TENM2: variants seen among roughly 807,000 people sequenced by gnomAD.
TENM2 encodes teneurin-2.
TENM2 carries 52 observed loss-of-function variants against 245.2 expected under a neutral mutation model. That is an observed-to-expected ratio of 0.21 (90% CI 0.17 to 0.27). The LOEUF is 0.27. TENM2 is among the 10% of genes least tolerant of loss of function. The probability of loss-of-function intolerance (pLI) is 1.00; values close to 1 mark genes in which losing one functional copy is unlikely to be tolerated. For missense variants in TENM2, 3,046 were observed against 3,666.8 expected, an observed-to-expected ratio of 0.83 and a Z score of 4.37; for synonymous variants, 1,363 against 1,438.9, an observed-to-expected ratio of 0.95 and a Z score of 1.19.
chr5:166,981,269 A>G, the TENM2 span, among the ~76,000 whole-genome samples: 1 of 151,666 alleles, frequency 6.6e-6, no homozygotes, highest in Admixed American at 6.7e-5. Flanking sequence ...CAGCTTATTC[A>G]TGGGTCCCTT....
chr5:167,623,512 G>A (rs1778307537), intron 2 of TENM2, among the ~76,000 whole-genome samples: 1 of 152,072 alleles, frequency 6.6e-6, no homozygotes, highest in Non-Finnish European at 1.5e-5. Flanking sequence ...CTACATCGCA[G>A]CCAACAGGAT....
At chr5:167,102,797 T>G in the TENM2 span, among the ~76,000 whole-genome samples, 1 of 152,212 alleles carries the variant, frequency 6.6e-6, no homozygotes, top group East Asian at 1.9e-4. Flanking sequence ...TAGCTGGGAT[T>G]ACAGGTGTGT....
At chr5:167,400,873 A>T (rs1250383126) in intron 2 of TENM2, among the ~76,000 whole-genome samples, 2 of 152,126 alleles carry the variant, frequency 1.3e-5, no homozygotes, top group Admixed American at 6.6e-5. Flanking sequence ...TTTGGATTTG[A>T]CACTGGTAAC....
At chr5:167,954,402 T>A (rs1452770943) in intron 4 of TENM2, among the ~76,000 whole-genome samples, 1 of 152,234 alleles carries the variant, frequency 6.6e-6, no homozygotes, top group Non-Finnish European at 1.5e-5. Flanking sequence ...TTGGCATGCA[T>A]GTTTGGTTCA....
chr5:167,984,659 G>GA (rs915949295), intron 4 of TENM2, among the ~76,000 whole-genome samples: 18 of 150,964 alleles, frequency 1.2e-4, no homozygotes, highest in Non-Finnish European at 1.9e-4. Context: ...TGTCTTGGGG[G>GA]AAAAAAAAAT....
At chr5:167,533,122 G>A (rs1040230609) in intron 2 of TENM2, among the ~76,000 whole-genome samples, 1 of 152,072 alleles carries the variant, frequency 6.6e-6, no homozygotes, top group African/African-American at 2.4e-5. Context: ...AGATAGGAAG[G>A]TAAAAGATTC....
chr5:168,013,007 A>G (rs1162393409), intron 5 of TENM2, among the ~76,000 whole-genome samples: 2 of 152,092 alleles, frequency 1.3e-5, no homozygotes, highest in Non-Finnish European at 2.9e-5. Flanking sequence ...AGCTCCACAT[A>G]TCACATCCAC....
At chr5:167,663,184 G>GAGAGAA (rs1755351133) in intron 2 of TENM2, among the ~76,000 whole-genome samples, 9 of 129,956 alleles carry the variant, frequency 6.9e-5, no homozygotes, top group Non-Finnish European at 1.1e-4. Context: ...GAGAGAGAGA[G>GAGAGAA]AGAAAGAGAG....
At chr5:167,181,463 CGTTTGTG>C in the TENM2 span, among the ~76,000 whole-genome samples, 4 of 69,918 alleles carry the variant, frequency 5.7e-5, no homozygotes, top group African/African-American at 2.8e-4. Flanking sequence ...GGGAGCCGCT[CGTTTGTG>C]TGTGTGTGTG....
At chr5:167,923,618 T>C (rs1215698534) in intron 3 of TENM2, among the ~76,000 whole-genome samples, 1 of 152,192 alleles carries the variant, frequency 6.6e-6, no homozygotes, top group Non-Finnish European at 1.5e-5. Flanking sequence ...GTCTGCATGG[T>C]AAATGAATGC....
the TENM2 span, among the ~76,000 whole-genome samples, chr5:167,046,869 C>T: frequency 2.6e-5 from 4 of 151,958 alleles, no homozygotes; most frequent in East Asian, 3.9e-4. Context: ...CCCCACCCCC[C>T]GACAGGCCCT....
intron 2 of TENM2, among the ~76,000 whole-genome samples, chr5:167,619,697 A>G (rs1475404093): frequency 6.6e-6 from 1 of 152,158 alleles, no homozygotes; most frequent in East Asian, 1.9e-4. Context: ...AATAAAAGAT[A>G]TACTTAATGC....
At chr5:167,333,279 T>A (rs1390644365) in intron 1 of TENM2, among the ~76,000 whole-genome samples, 1 of 152,160 alleles carries the variant, frequency 6.6e-6, no homozygotes, top group Admixed American at 6.5e-5. Flanking sequence ...CTCACGCCTT[T>A]CTTTCTGTGA....
At chr5:167,478,165 A>G (rs1561989039) in intron 2 of TENM2, among the ~76,000 whole-genome samples, 1 of 152,252 alleles carries the variant, frequency 6.6e-6, no homozygotes, top group African/African-American at 2.4e-5. Flanking sequence ...ACAAGGCTCA[A>G]TGGCCATTTC....
chr5:167,269,835 A>C, the TENM2 span, among the ~76,000 whole-genome samples: 7 of 152,088 alleles, frequency 4.6e-5, no homozygotes, highest in Non-Finnish European at 8.8e-5. Context: ...TTATTATGCA[A>C]AGAAATTTAG....
chr5:168,004,556 C>CACACA (rs1442377073), intron 5 of TENM2, among the ~76,000 whole-genome samples: 1 of 148,614 alleles, frequency 6.7e-6, no homozygotes, highest in Middle Eastern at 3.2e-3. Context: ...CACACACACA[C>CACACA]ACCACTATCC....
At chr5:167,595,339 AGCTG>A (rs201822988) in intron 2 of TENM2, among the ~76,000 whole-genome samples, 3,351 of 152,288 alleles carry the variant, frequency 0.022, 62 homozygotes, top group Non-Finnish European at 0.03. Flanking sequence ...TCGAGCCCAA[AGCTG>A]GCTTTTGAAA....
At chr5:167,234,035 A>C in the TENM2 span, among the ~76,000 whole-genome samples, 2 of 89,414 alleles carry the variant, frequency 2.2e-5, no homozygotes, top group African/African-American at 1.7e-4. Flanking sequence ...AGCAAGTAAA[A>C]GCACTTTAAA....
chr5:168,148,762 C>T (rs560860818), intron 12 of TENM2, among the ~76,000 whole-genome samples: 1 of 152,166 alleles, frequency 6.6e-6, no homozygotes, highest in African/African-American at 2.4e-5. Context: ...AATACGGGCT[C>T]CTCTATGAGG....
Sources: gnomAD v4.1 joint callset for allele counts (sites outside exome capture counted in the v4.1 genomes callset) on GRCh38, gnomAD v4.1.1 for gene constraint, MANE v1.5 for transcripts, NCBI Gene and HGNC (gene_info 2026-07-23, HGNC 2026-07-21) for gene names.